RBFOX1: variants seen among roughly 807,000 people sequenced by gnomAD.
RBFOX1 encodes RNA binding fox-1 homolog 1, also known as RNA binding protein fox-1 homolog 1.
Under a neutral mutation model 57.7 loss-of-function variants are expected in RBFOX1, and 8 were observed. The ratio of observed to expected loss-of-function variants is 0.14; its 90% CI spans 0.08 to 0.25. The LOEUF (loss-of-function observed/expected upper bound fraction) is 0.25. Among genes scored for constraint, RBFOX1 ranks in the 10% least tolerant of loss-of-function variants. The pLI is 1.00. For missense variants in RBFOX1, 611 were observed against 548.5 expected (o/e 1.11, Z -1.14); for synonymous variants, 326 against 222.4 (o/e 1.47, Z -4.15).
chr16:6,827,082 A>G (rs1240064904), intron 3 of RBFOX1, among the ~76,000 whole-genome samples: 1 of 152,226 alleles, frequency 6.6e-6, no homozygotes. Context: ...ATTTCTTTGC[A>G]CATACTTACC....
rs79225769 is a variant in RBFOX1, at chr16:6,604,485, T to G, written c.-63-50118T>G. Among the ~76,000 whole-genome samples, 480 of 152,286 alleles carry G rather than the reference T, an allele frequency of 3.2e-3. 6 individuals are homozygous for G. The highest frequency in any genetic ancestry group is 0.011 in the African/African-American group (454 of 41,552). ...ATAAGAAAGTATCTGTAATTTTTAGTGGCACAATTGGATTATAAAGTAGAG... is the reference window on the plus strand; with the variant it reads ...ATAAGAAAGTATCTGTAATTTTTAGGGGCACAATTGGATTATAAAGTAGAG... On this transcript the variant is annotated intron_variant, in intron 2 of 15. Coordinates refer to ENST00000550418, the MANE Select transcript of RBFOX1 (RefSeq NM_018723.4).
At chr16:5,850,382 C>G (rs1030778444) in intron 3 of RBFOX1, among the ~76,000 whole-genome samples, 11 of 152,114 alleles carry the variant, frequency 7.2e-5, no homozygotes, top group African/African-American at 2.7e-4. Flanking sequence ...ACATGTCCTT[C>G]GAACCAGTAA....
chr16:6,020,719 C>G (rs1013916603), intron 1 of RBFOX1, among the ~76,000 whole-genome samples: 2 of 152,122 alleles, frequency 1.3e-5, no homozygotes, highest in African/African-American at 4.8e-5. Context: ...TTGTCAGCTC[C>G]AATCAACCAA....
chr16:6,045,019 G>T (rs1486419408), intron 1 of RBFOX1, among the ~76,000 whole-genome samples: 1 of 152,210 alleles, frequency 6.6e-6, no homozygotes, highest in African/African-American at 2.4e-5. Flanking sequence ...TGATGCCTGG[G>T]CTGTGGCCCT....
chr16:5,242,744 A>G (rs1467789681), intron 1 of RBFOX1, among the ~76,000 whole-genome samples: 1 of 152,152 alleles, frequency 6.6e-6, no homozygotes, highest in Non-Finnish European at 1.5e-5. Flanking sequence ...ATGGGCATTC[A>G]GATGCTTTTA....
At chr16:5,683,112 C>T (rs2050394335) in intron 3 of RBFOX1, among the ~76,000 whole-genome samples, 1 of 149,906 alleles carries the variant, frequency 6.7e-6, no homozygotes, top group Non-Finnish European at 1.5e-5. Flanking sequence ...AAGGTCTTGC[C>T]CTCTAGGGCT....
intron 3 of RBFOX1, among the ~76,000 whole-genome samples, chr16:5,830,096 A>G (rs1244136403): frequency 6.6e-6 from 1 of 152,198 alleles, no homozygotes; most frequent in African/African-American, 2.4e-5. Flanking sequence ...AGGATTGTCT[A>G]GCATCCATCT....
rs2097356013 is a variant in RBFOX1, at chr16:6,219,253, G to T, written c.-126-97742G>T. Among the ~76,000 whole-genome samples, 3 of 152,278 alleles carry T rather than the reference G, an allele frequency of 2.0e-5. 1 individual carries two copies. In the South Asian group the frequency reaches 6.2e-4, roughly 32 times the overall value. On this transcript the variant is annotated intron_variant, in intron 1 of 15. Transcript: ENST00000550418. ...GGAGGCTGAGGTGGGAGGATCACTT[G>T]AGCCCAGGAGCTCAAGACCAGCCTG...
chr16:6,292,603 A>T (rs987931208), intron 1 of RBFOX1, among the ~76,000 whole-genome samples: 1 of 152,186 alleles, frequency 6.6e-6, no homozygotes, highest in Admixed American at 6.5e-5. Context: ...TTGAGGGGGA[A>T]CCTCATGGAG....
At chr16:5,783,079 C>G (rs78846852) in intron 3 of RBFOX1, among the ~76,000 whole-genome samples, 4,444 of 152,262 alleles carry the variant, frequency 0.029, 207 homozygotes, top group African/African-American at 0.1. Context: ...TTAGCATTCC[C>G]TAATCCAGGC....
intron 2 of RBFOX1, among the ~76,000 whole-genome samples, chr16:5,562,118 C>T (rs1387548623): frequency 1.3e-5 from 2 of 152,124 alleles, no homozygotes; most frequent in Non-Finnish European, 2.9e-5. Flanking sequence ...AAAGCTCTTC[C>T]TGAGCTCATG....
intron 4 of RBFOX1, among the ~76,000 whole-genome samples, chr16:7,516,296 C>G (rs532281358): frequency 6.6e-6 from 1 of 152,182 alleles, no homozygotes; most frequent in East Asian, 1.9e-4. Flanking sequence ...AACGGACTCA[C>G]TAGATAGATG....
intron 1 of RBFOX1, among the ~76,000 whole-genome samples, chr16:5,441,124 G>A (rs1175466355): frequency 6.6e-6 from 1 of 152,280 alleles, no homozygotes; most frequent in East Asian, 1.9e-4. Flanking sequence ...GTCTGGCTGT[G>A]CCCAGAGCTG....
At chr16:6,700,227 C>T (rs762685318) in intron 3 of RBFOX1, among the ~76,000 whole-genome samples, 1 of 152,130 alleles carries the variant, frequency 6.6e-6, no homozygotes, top group Non-Finnish European at 1.5e-5. Context: ...GTACCATGCA[C>T]TGTCCTTTCC....
intron 3 of RBFOX1, among the ~76,000 whole-genome samples, chr16:5,731,659 G>T (rs2052378327): frequency 6.6e-6 from 1 of 152,144 alleles, no homozygotes; most frequent in Non-Finnish European, 1.5e-5. Context: ...AGTGAAAAAG[G>T]GAGAGCTATT....
At chr16:7,001,111 A>G (rs2092749919) in intron 3 of RBFOX1, among the ~76,000 whole-genome samples, 2 of 152,140 alleles carry the variant, frequency 1.3e-5, no homozygotes, top group African/African-American at 4.8e-5. Context: ...AAATAGGGGC[A>G]TCTGTATCTT....
At chr16:6,906,914 G>T (rs1295797202) in intron 3 of RBFOX1, among the ~76,000 whole-genome samples, 1 of 152,000 alleles carries the variant, frequency 6.6e-6, no homozygotes, top group Non-Finnish European at 1.5e-5. Context: ...AGTAGAGATG[G>T]GGTTTCACCA....
intron 3 of RBFOX1, among the ~76,000 whole-genome samples, chr16:6,853,069 G>C (rs779872009): frequency 1.3e-5 from 2 of 152,144 alleles, no homozygotes; most frequent in Non-Finnish European, 2.9e-5. Context: ...ACAGCCTCTG[G>C]TGTTACCCTT....
intron 1 of RBFOX1, among the ~76,000 whole-genome samples, chr16:5,372,487 G>T (rs1177205459): frequency 6.6e-6 from 1 of 152,142 alleles, no homozygotes; most frequent in Non-Finnish European, 1.5e-5. Context: ...ATGAAGAAAA[G>T]AAATGCTCAG....
Sources: allele counts gnomAD v4.1 joint callset (sites outside exome capture counted in the v4.1 genomes callset), GRCh38; gene constraint gnomAD v4.1.1; transcripts MANE v1.5; gene names NCBI Gene and HGNC (gene_info 2026-07-23, HGNC 2026-07-21).